NAV3: variants seen among roughly 807,000 people sequenced by gnomAD.
The protein encoded by NAV3 is pore membrane and/or filament interacting like protein 1.
NAV3 carries 87 observed loss-of-function variants against 244.7 expected under a neutral mutation model. That is an observed-to-expected ratio of 0.36 (90% CI 0.30 to 0.42). The LOEUF is 0.42. NAV3 is among the 20% of genes least tolerant of loss of function. The probability of loss-of-function intolerance (pLI) is 1.00; values close to 1 mark genes in which losing one functional copy is unlikely to be tolerated. For synonymous variants in NAV3, 1,126 were observed against 1,042.2 expected, an observed-to-expected ratio of 1.08 and a Z score of -1.55; for missense variants, 2,663 against 2,893.3, an observed-to-expected ratio of 0.92 and a Z score of 1.83.
chr12:77,596,483 A>G (rs956525516), intron 2 of NAV3, among the ~76,000 whole-genome samples: 3 of 152,160 alleles, frequency 2.0e-5, no homozygotes, highest in African/African-American at 7.2e-5. Context: ...AATATCGAGT[A>G]AAATTGCATA....
intron 39 of NAV3, among the ~76,000 whole-genome samples, chr12:78,207,857 A>G (rs572108439): frequency 6.6e-6 from 1 of 152,312 alleles, no homozygotes; most frequent in African/African-American, 2.4e-5. Context: ...GCAGTTTCTA[A>G]AGATCACTTT....
intron 2 of NAV3, among the ~76,000 whole-genome samples, chr12:77,789,123 A>T (rs1406671399): frequency 6.6e-6 from 1 of 152,160 alleles, no homozygotes; most frequent in Admixed American, 6.5e-5. Context: ...TTTAATCATT[A>T]TTTTGCTTGG....
At chr12:78,031,242 T>C (rs532005314) in intron 9 of NAV3, among the ~76,000 whole-genome samples, 8 of 152,306 alleles carry the variant, frequency 5.3e-5, no homozygotes, top group African/African-American at 1.9e-4. Flanking sequence ...TAGCTTAAGC[T>C]CTATTGCTGT....
At chr12:78,174,272 T>A (rs1012703860) in intron 24 of NAV3, among the ~76,000 whole-genome samples, 1 of 151,888 alleles carries the variant, frequency 6.6e-6, no homozygotes, top group Non-Finnish European at 1.5e-5. Context: ...AATCTTATAG[T>A]TGCTTGTATA....
intron 1 of NAV3, among the ~76,000 whole-genome samples, chr12:77,925,537 G>T (rs989028813): frequency 1.3e-4 from 2 of 15,456 alleles, no homozygotes; most frequent in South Asian, 1.3e-3. Flanking sequence ...AGGATGAAAA[G>T]GCGGGGGGAG....
intron 2 of NAV3, among the ~76,000 whole-genome samples, chr12:77,758,260 C>T (rs778527039): frequency 1.7e-4 from 26 of 151,964 alleles, no homozygotes; most frequent in East Asian, 3.9e-4. Context: ...TCACCTGACA[C>T]GCATATTTGT....
intron 38 of NAV3, among the ~76,000 whole-genome samples, chr12:78,201,605 A>G (rs1959713030): frequency 6.6e-6 from 1 of 152,038 alleles, no homozygotes; most frequent in Admixed American, 6.6e-5. Context: ...AACAAAATAC[A>G]TGTCATTTTT....
At position 77,970,949 on chromosome 12, in the gene NAV3, G is replaced by A. The variant is rs767686529; in HGVS notation, c.671+2247G>A. 5.9e-5 allele frequency among the ~76,000 whole-genome samples: 9 copies of A among 152,096 alleles called. No individual in the cohort carries two copies. The South Asian group carries it at 6.2e-4, about 11-fold the overall frequency. ...AGCATGTTGACTCTGGAAGTGATAC[G>A]GAATATCATTTGACATTGCTTTACC... On this transcript the variant is annotated intron_variant, in intron 5 of 39. Coordinates refer to ENST00000397909, the MANE Select transcript of NAV3 (RefSeq NM_001024383.2).
At chr12:77,706,532 T>A (rs1875807888) in intron 2 of NAV3, among the ~76,000 whole-genome samples, 1 of 151,232 alleles carries the variant, frequency 6.6e-6, no homozygotes, top group African/African-American at 2.5e-5. Flanking sequence ...TCGTTATCAA[T>A]AATCCCACGG....
intron 1 of NAV3, among the ~76,000 whole-genome samples, chr12:77,882,982 T>C (rs1305716804): frequency 6.6e-6 from 1 of 152,148 alleles, no homozygotes; most frequent in Non-Finnish European, 1.5e-5. Context: ...TATACACTGT[T>C]GGTAGGAATG....
intron 2 of NAV3, among the ~76,000 whole-genome samples, chr12:77,643,010 T>C (rs1311347356): frequency 6.6e-6 from 1 of 152,058 alleles, no homozygotes; most frequent in Non-Finnish European, 1.5e-5. Flanking sequence ...ACTTTCTATA[T>C]CCATTAAGTT....
intron 8 of NAV3, among the ~76,000 whole-genome samples, chr12:78,015,760 G>A (rs1046805420): frequency 2.6e-4 from 40 of 152,136 alleles, no homozygotes; most frequent in Non-Finnish European, 3.7e-4. Flanking sequence ...TTTAGCATCC[G>A]TTGAGCTTTG....
intron 2 of NAV3, among the ~76,000 whole-genome samples, chr12:77,770,179 G>A (rs910798362): frequency 1.3e-5 from 2 of 152,102 alleles, no homozygotes; most frequent in African/African-American, 4.8e-5. Flanking sequence ...AAAATCCTAG[G>A]GGGAGTTGTT....
chr12:77,859,620 A>AT (rs1565864227), intron 1 of NAV3, among the ~76,000 whole-genome samples: 2 of 143,586 alleles, frequency 1.4e-5, no homozygotes, highest in Non-Finnish European at 3.1e-5. Flanking sequence ...AAGTGTAATA[A>AT]AAAAAAAAAT....
At chr12:77,950,520 C>A (rs1890771323) in intron 3 of NAV3, 1 of 152,084 alleles carries the variant, frequency 6.6e-6, no homozygotes, top group Non-Finnish European at 1.5e-5. Context: ...TCAATGCCAT[C>A]CCCATCAAGC....
rs150373731 is a variant in NAV3 at position 77,732,452 on chromosome 12, C to T, written c.72+160186C>T. ...TCCAAGCTATAGGACATCAGCAGTG[C>T]GTGTGAGCTGCTTAATTTTTTTGTG... On this transcript the variant is annotated intron_variant, in intron 2 of 8. Transcript: ENST00000550042. Among the ~76,000 whole-genome samples the T allele has an allele frequency of 2.6e-3, 402 of 152,008 alleles. 5 individuals carry two copies. The highest frequency in any genetic ancestry group is 9.2e-3 in the African/African-American group (381 of 41,486).
At chr12:78,058,192 T>C (rs1318124831) in intron 11 of NAV3, among the ~76,000 whole-genome samples, 1 of 152,118 alleles carries the variant, frequency 6.6e-6, no homozygotes, top group African/African-American at 2.4e-5. Context: ...GTGTTCTCAC[T>C]CTGCTAATAA....
At chr12:77,830,246 G>T (rs10777476), upstream of NAV3, among the ~76,000 whole-genome samples, 148,707 of 152,232 alleles carry the variant, frequency 0.98, 72,750 homozygotes, top group East Asian at 1. Flanking sequence ...TAAGTTGGAC[G>T]TCATAAGCTT....
intron 5 of NAV3, among the ~76,000 whole-genome samples, chr12:77,983,698 T>C (rs186473457): frequency 6.6e-6 from 1 of 152,188 alleles, no homozygotes; most frequent in East Asian, 1.9e-4. Flanking sequence ...AACACAAAAC[T>C]CTGGGGACCA....
Sources: allele counts gnomAD v4.1 joint callset (sites outside exome capture counted in the v4.1 genomes callset), GRCh38; gene constraint gnomAD v4.1.1; transcripts MANE v1.5; gene names NCBI Gene and HGNC (gene_info 2026-07-23, HGNC 2026-07-21).